ZNF430: variants seen among roughly 807,000 people sequenced by gnomAD.
ZNF430 encodes the protein zinc finger protein 430.
Under a neutral mutation model 56.7 loss-of-function variants are expected in ZNF430, and 35 were observed. The observed-to-expected ratio is 0.62, with a 90% CI of 0.47 to 0.82. The LOEUF (loss-of-function observed/expected upper bound fraction) is 0.82, where lower values mean the gene tolerates loss of function less well. Among genes scored for constraint, ZNF430 ranks in the 40% least tolerant of loss-of-function variants. ZNF430 has a pLI of 0.00. For missense variants in ZNF430, 574 were observed against 661.0 expected, an observed-to-expected ratio of 0.87 and a Z score of 1.44; for synonymous variants, 212 against 224.3, an observed-to-expected ratio of 0.94 and a Z score of 0.49.
chr19:21,040,061 C>T (rs1340758240), intron 4 of ZNF430, among the ~76,000 whole-genome samples: 1 of 152,136 alleles, frequency 6.6e-6, no homozygotes, highest in Non-Finnish European at 1.5e-5. Flanking sequence ...TGGTATCAAA[C>T]TTCTGGTCCC....
intron 4 of ZNF430, among the ~76,000 whole-genome samples, chr19:21,048,788 CG>C (rs1568590813): frequency 6.6e-6 from 1 of 152,054 alleles, no homozygotes; most frequent in Admixed American, 6.6e-5. Flanking sequence ...ACCTCCCGGA[CG>C]GGGCGGCTGG....
chr19:21,034,017 A>T, intron 3 of ZNF430, 69 bp from the exon 4 acceptor site: 1 of 1,180,178 alleles, frequency 8.5e-7, no homozygotes, highest in Non-Finnish European at 1.2e-6. Context: ...CATCCTCTTT[A>T]CTAAGCACAG....
At chr19:21,028,748 C>T (rs1262041933) in intron 2 of ZNF430, among the ~76,000 whole-genome samples, 5 of 152,052 alleles carry the variant, frequency 3.3e-5, no homozygotes, top group African/African-American at 9.7e-5. Flanking sequence ...TGCAGTGGCG[C>T]GATCTCGGCT....
At chr19:21,056,428 G>A (rs965363780) in intron 4 of ZNF430, among the ~76,000 whole-genome samples, 1 of 151,504 alleles carries the variant, frequency 6.6e-6, no homozygotes, top group Non-Finnish European at 1.5e-5. Context: ...GGCGGAGGTG[G>A]CAGTGAGCAG....
chr19:21,035,082 AT>A (rs1352537006), intron 4 of ZNF430: 1 of 152,100 alleles, frequency 6.6e-6, no homozygotes, highest in Non-Finnish European at 1.5e-5. Context: ...TTAGAATTGT[AT>A]TTTCCATTAC....
chr19:21,023,709 A>G (rs1967742012), intron 2 of ZNF430, among the ~76,000 whole-genome samples: 1 of 152,130 alleles, frequency 6.6e-6, no homozygotes, highest in Admixed American at 6.5e-5. Flanking sequence ...ACATACATTC[A>G]TGAAAACATG....
chr19:21,042,785 T>TAA (rs543858514), intron 4 of ZNF430, among the ~76,000 whole-genome samples: 2 of 141,934 alleles, frequency 1.4e-5, no homozygotes, highest in African/African-American at 2.6e-5. Context: ...AGACTCCATC[T>TAA]AAAAAAAAAA....
intron 2 of ZNF430, among the ~76,000 whole-genome samples, chr19:21,031,931 A>G (rs531632750): frequency 9.8e-5 from 15 of 152,308 alleles, no homozygotes; most frequent in Non-Finnish European, 4.4e-5. Flanking sequence ...TTTCTTTACT[A>G]TATACCAGAG....
intron 4 of ZNF430, 162 bp downstream of exon 4, chr19:21,034,346 G>A: frequency 2.0e-6 from 1 of 498,162 alleles, no homozygotes; most frequent in Non-Finnish European, 3.5e-6. Context: ...GTCATCTTCT[G>A]TCTTATGCTT....
At chr19:21,033,875 C>T (rs1421206109) in intron 3 of ZNF430, among the ~76,000 whole-genome samples, 2 of 151,938 alleles carry the variant, frequency 1.3e-5, no homozygotes, top group African/African-American at 4.8e-5. Context: ...CTATTTGCCG[C>T]CACCAATTTT....
chr19:21,024,673 G>A (rs372359686), intron 2 of ZNF430, among the ~76,000 whole-genome samples: 32 of 152,098 alleles, frequency 2.1e-4, no homozygotes, highest in South Asian at 4.2e-4. Flanking sequence ...CCAGCTACTC[G>A]GGAGGCTGAG....
intron 2 of ZNF430, 103 bp downstream of exon 2, chr19:21,022,984 CAA>C (rs889128469): frequency 7.0e-6 from 6 of 859,824 alleles, no homozygotes; most frequent in Admixed American, 4.0e-5. Flanking sequence ...GAGGGGAAAA[CAA>C]ATAATTTTTG....
chr19:21,032,708 C>T (rs545258366), intron 2 of ZNF430, among the ~76,000 whole-genome samples: 8 of 150,836 alleles, frequency 5.3e-5, no homozygotes, highest in Admixed American at 1.3e-4. Flanking sequence ...GCCTGGGCAA[C>T]AACAGCAAAA....
intron 2 of ZNF430, among the ~76,000 whole-genome samples, chr19:21,033,196 A>G (rs931385538): frequency 6.6e-6 from 1 of 152,176 alleles, no homozygotes; most frequent in East Asian, 1.9e-4. Flanking sequence ...CTCTACTAAA[A>G]ATACAAAATT....
Position 21,046,451 on chromosome 19 carries a change from A to G in ZNF430, c.323-10180A>G, listed in dbSNP as rs373039056. Among the ~76,000 whole-genome samples the G allele has an allele frequency of 3.7e-4, 56 of 152,030 alleles. 1 individual carries two copies. Among genetic ancestry groups the G allele is most frequent in the African/African-American group, 1.2e-3 (49 of 41,460 alleles). ...ATAGTGTCATTGGTCTTTGTACTTC[A>G]GTGTGTTTTTGTAGTGGCTAGTAAT... On this transcript the variant is annotated intron_variant, in intron 4 of 4. Transcript: ENST00000261560.
chr19:21,046,623 G>A (rs1028564317), intron 4 of ZNF430, among the ~76,000 whole-genome samples: 1 of 152,022 alleles, frequency 6.6e-6, no homozygotes, highest in Admixed American at 6.5e-5. Context: ...GATATTCTTG[G>A]TTGGAAATTC....
intron 3 of ZNF430, 70 bp downstream of exon 3, chr19:21,033,652 T>C: frequency 6.7e-7 from 1 of 1,481,634 alleles, no homozygotes; most frequent in Non-Finnish European, 9.0e-7. Context: ...TTGAGAATAA[T>C]TTTTGGTAAT....
At chr19:21,038,473 G>A (rs1968043696) in intron 4 of ZNF430, among the ~76,000 whole-genome samples, 1 of 152,102 alleles carries the variant, frequency 6.6e-6, no homozygotes, top group South Asian at 2.1e-4. Context: ...TGTCGCCCAG[G>A]CTGGAGTGCA....
At chr19:21,048,525 C>A (rs1417199353) in intron 4 of ZNF430, among the ~76,000 whole-genome samples, 1 of 151,952 alleles carries the variant, frequency 6.6e-6, no homozygotes, top group Non-Finnish European at 1.5e-5. Context: ...TAACAGCATC[C>A]CAAGGCAGAA....
Sources: allele counts gnomAD v4.1 joint callset (sites outside exome capture counted in the v4.1 genomes callset), GRCh38; gene constraint gnomAD v4.1.1; transcripts MANE v1.5; gene names NCBI Gene and HGNC (gene_info 2026-07-23, HGNC 2026-07-21).